Variants in DIP2B observed in about 807,000 individuals in gnomAD.
The protein encoded by DIP2B is DIP2 acetate--CoA ligase B (putative).
Under a neutral mutation model 198.0 loss-of-function variants are expected in DIP2B, and 76 were observed. The observed-to-expected ratio is 0.38, with a 90% CI of 0.32 to 0.46. The LOEUF is 0.46. Among genes scored for constraint, DIP2B ranks in the 20% least tolerant of loss-of-function variants. The pLI is 0.99. For missense variants in DIP2B, 1,559 were observed against 1,978.4 expected (o/e 0.79, Z 4.02); for synonymous variants, 701 against 739.1 (o/e 0.95, Z 0.84).
intron 13 of DIP2B, among the ~76,000 whole-genome samples, chr12:50,692,296 A>G (rs1939235732): frequency 6.6e-6 from 1 of 151,898 alleles, no homozygotes; most frequent in African/African-American, 2.4e-5. Flanking sequence ...ATACATATAC[A>G]CACCAACTTT....
At chr12:50,710,002 A>C (rs1182957928) in intron 22 of DIP2B, among the ~76,000 whole-genome samples, 1 of 152,182 alleles carries the variant, frequency 6.6e-6, no homozygotes, top group East Asian at 1.9e-4. Context: ...AGATTGTAAG[A>C]ATAGTCTCCA....
chr12:50,719,096 C>T, intron 25 of DIP2B, 61 bp downstream of exon 25: 1 of 1,526,784 alleles, frequency 6.5e-7, no homozygotes, highest in Non-Finnish European at 8.9e-7. Context: ...CTTAGGCACT[C>T]TTGATCTCTT....
chr12:50,706,922 C>T (rs1177133367), intron 21 of DIP2B, among the ~76,000 whole-genome samples: 4 of 152,056 alleles, frequency 2.6e-5, no homozygotes, highest in Admixed American at 2.6e-4. Context: ...TCAGATTTAA[C>T]TTCAGATTTG....
At chr12:50,636,841 G>A (rs573105920) in intron 2 of DIP2B, among the ~76,000 whole-genome samples, 1 of 152,162 alleles carries the variant, frequency 6.6e-6, no homozygotes, top group Non-Finnish European at 1.5e-5. Context: ...GTCAGGATCT[G>A]TTCAGACACC....
At chr12:50,674,766 AC>A in intron 6 of DIP2B, 137 bp downstream of exon 6, 1 of 1,049,424 alleles carries the variant, frequency 9.5e-7, no homozygotes, top group Non-Finnish European at 1.4e-6. Flanking sequence ...AATCCTGGGT[AC>A]CTTTTTTCCA....
rs886469991 is a variant in DIP2B, at chr12:50,744,921, A to C, written c.*82A>C. 7.3e-6 allele frequency: 11 copies of C among 1,510,430 alleles called. No homozygotes were observed. The African/African-American group carries it at 1.4e-4, about 19-fold the overall frequency. 93.6% of individuals were successfully genotyped at this position (1,510,430 alleles called of 1,614,324 possible). A position where few individuals can be genotyped will look rare whatever the true frequency, so the allele number is the denominator to read the frequency against. On this transcript the variant is annotated 3_prime_UTR_variant, in exon 38 of 38. Transcript: ENST00000301180. ...TCTGGCTAAGAGCAGGCTTCAAACG[A>C]TGTGAAATAAGCTGAGATGGCTACA... is the stretch of plus-strand genomic sequence containing the variant.
In DIP2B at chr12:50,566,989, AAAAG is replaced by A. The variant is rs1555184567; in HGVS notation, c.101-58975_101-58972del. Among the ~76,000 whole-genome samples the A allele has an allele frequency of 7.4e-5, 11 of 148,530 alleles. No homozygotes were observed. The East Asian group carries it at 1.6e-3, about 21-fold the overall frequency. ...TCCGTCTCAAAAAAAAAAAAAAAAA[AAAAG>A]AAAGAAAGAAATTGAATCATTCTAT... On this transcript the variant is annotated intron_variant, in intron 1 of 37. Coordinates refer to ENST00000301180, the MANE Select transcript of DIP2B (RefSeq NM_173602.3).
intron 1 of DIP2B, among the ~76,000 whole-genome samples, chr12:50,523,319 C>A (rs1481232915): frequency 6.6e-6 from 1 of 151,856 alleles, no homozygotes; most frequent in Non-Finnish European, 1.5e-5. Context: ...AGTTGTTATT[C>A]TTTATAATTC....
intron 1 of DIP2B, among the ~76,000 whole-genome samples, chr12:50,582,155 T>TG (rs1051940691): frequency 6.8e-6 from 1 of 146,468 alleles, no homozygotes; most frequent in African/African-American, 2.5e-5. Context: ...GTTTTTTTTT[T>TG]TTTTTTTTTT....
chr12:50,573,127 A>C (rs147506651), intron 1 of DIP2B, among the ~76,000 whole-genome samples: 3 of 152,352 alleles, frequency 2.0e-5, no homozygotes, highest in African/African-American at 7.2e-5. Flanking sequence ...GCATCCCCTT[A>C]AATCTACCAC....
At chr12:50,566,069 G>GTCTT (rs1958560914) in intron 1 of DIP2B, among the ~76,000 whole-genome samples, 1 of 151,888 alleles carries the variant, frequency 6.6e-6, no homozygotes, top group Non-Finnish European at 1.5e-5. Flanking sequence ...CTGAGACAGG[G>GTCTT]TCTTGCTCTG....
intron 1 of DIP2B, among the ~76,000 whole-genome samples, chr12:50,562,019 G>A (rs908301720): frequency 3.3e-5 from 5 of 152,178 alleles, no homozygotes; most frequent in African/African-American, 1.2e-4. Flanking sequence ...GTATTGACAG[G>A]CTTATAAGTG....
At position 50,728,616 on chromosome 12, in the gene DIP2B, G is replaced by A. The variant is rs768455954; in HGVS notation, c.3579G>A (p.Arg1193=). The A allele has an allele frequency of 3.1e-6, 5 of 1,613,988 alleles. No homozygotes were observed. In the African/African-American group the frequency reaches 5.3e-5, roughly 17 times the overall value. Residue 1193 remains arginine (R), a synonymous_variant, in exon 30 of 38, where the codon CGG becomes CGA. Coordinates refer to ENST00000301180, the MANE Select transcript of DIP2B (RefSeq NM_173602.3). ...TCCAGTGTGAGTTGTACTCTTCTCG[G>A]CAGATCGCCATCTGCCTTGACCCTT... is the stretch of plus-strand genomic sequence containing the variant. ...IKLQCELYSS[R]QIAICLDPYC...
intron 1 of DIP2B, among the ~76,000 whole-genome samples, chr12:50,602,305 G>C (rs1958944104): frequency 6.6e-6 from 1 of 152,096 alleles, no homozygotes. Flanking sequence ...GTCTGGTTCT[G>C]TTGCCCAGGC....
intron 1 of DIP2B, among the ~76,000 whole-genome samples, chr12:50,549,261 G>T (rs182523735): frequency 8.6e-5 from 13 of 151,858 alleles, no homozygotes; most frequent in African/African-American, 2.9e-4. Context: ...AAGGTCAAGA[G>T]ATCAAGACCA....
chr12:50,716,990 G>GTTTTTTTTTT (rs1939736246), intron 23 of DIP2B, among the ~76,000 whole-genome samples: 1 of 50,538 alleles, frequency 2.0e-5, no homozygotes, highest in African/African-American at 6.3e-5. Flanking sequence ...TTGAGACAGA[G>GTTTTTTTTTT]TTTGCTCTGT....
At chr12:50,601,264 A>G (rs114411416) in intron 1 of DIP2B, among the ~76,000 whole-genome samples, 1,954 of 152,194 alleles carry the variant, frequency 0.013, 48 homozygotes, top group African/African-American at 0.045. Context: ...GTATAGTACA[A>G]AGTGCGTGGA....
chr12:50,567,297 G>A (rs1048454635), intron 1 of DIP2B, among the ~76,000 whole-genome samples: 2 of 152,116 alleles, frequency 1.3e-5, no homozygotes, highest in African/African-American at 4.8e-5. Flanking sequence ...TGACATTGGT[G>A]CAATCCACAG....
chr12:50,602,981 G>A (rs1477973707), intron 1 of DIP2B, among the ~76,000 whole-genome samples: 3 of 151,456 alleles, frequency 2.0e-5, no homozygotes, highest in Non-Finnish European at 4.4e-5. Context: ...TGGCATACAC[G>A]GTGAAACCCT....
Sources: allele counts gnomAD v4.1 joint callset (sites outside exome capture counted in the v4.1 genomes callset), GRCh38; gene constraint gnomAD v4.1.1; transcripts MANE v1.5; gene names NCBI Gene and HGNC (gene_info 2026-07-23, HGNC 2026-07-21).